DIAPH2: variants seen among roughly 807,000 people sequenced by gnomAD.
DIAPH2 encodes protein diaphanous homolog 2.
DIAPH2 carries 35 observed loss-of-function variants against 92.7 expected under a neutral mutation model. The observed-to-expected ratio is 0.38, with a 90% confidence interval of 0.29 to 0.50. The LOEUF (loss-of-function observed/expected upper bound fraction) is 0.50. Among genes scored for constraint, DIAPH2 ranks in the 20% least tolerant of loss-of-function variants. The probability of loss-of-function intolerance (pLI) is 0.94; values close to 1 mark genes in which losing one functional copy is unlikely to be tolerated. For missense variants in DIAPH2, 701 were observed against 819.5 expected, an observed-to-expected ratio of 0.86 and a Z score of 1.77; for synonymous variants, 301 against 280.4, an observed-to-expected ratio of 1.07 and a Z score of -0.73.
chrX:97,369,248 G>A (rs2069418384), intron 24 of DIAPH2, among the ~76,000 whole-genome samples: 1 of 111,033 alleles, frequency 9.0e-6, no homozygotes, highest in African/African-American at 3.3e-5. Context: ...AGCCAACACC[G>A]AAGCAAATGT....
chrX:97,248,300 G>T (rs2068158914), intron 23 of DIAPH2, among the ~76,000 whole-genome samples: 1 of 111,191 alleles, frequency 9.0e-6, no homozygotes, highest in Non-Finnish European at 1.9e-5. Context: ...GGACTGTGAA[G>T]GATAAATGGA....
At chrX:96,851,156 C>T (rs1007336979) in intron 4 of DIAPH2, among the ~76,000 whole-genome samples, 1 of 111,950 alleles carries the variant, frequency 8.9e-6, no homozygotes, top group Non-Finnish European at 1.9e-5. Flanking sequence ...GGCTGGAGTA[C>T]AGTGGTACCA....
At chrX:96,883,314 G>A (rs908409005) in intron 5 of DIAPH2, among the ~76,000 whole-genome samples, 1 of 111,147 alleles carries the variant, frequency 9.0e-6, no homozygotes, top group Non-Finnish European at 1.9e-5. Context: ...CTTAGAGTAT[G>A]ATAATCGTTG....
At chrX:96,942,759 C>T (rs1224087695) in intron 13 of DIAPH2, among the ~76,000 whole-genome samples, 1 of 111,333 alleles carries the variant, frequency 9.0e-6, no homozygotes, top group Non-Finnish European at 1.9e-5. Flanking sequence ...ATGATCTGAA[C>T]CTTCCCTTGT....
intron 20 of DIAPH2, among the ~76,000 whole-genome samples, chrX:97,103,755 G>A (rs1325670122): frequency 1.8e-5 from 2 of 111,809 alleles, no homozygotes; most frequent in Non-Finnish European, 3.8e-5. Flanking sequence ...CTGTTCTATA[G>A]CACTAAAGCT....
intron 26 of DIAPH2, among the ~76,000 whole-genome samples, chrX:97,559,455 G>A (rs892349142): frequency 5.8e-5 from 6 of 103,830 alleles, no homozygotes; most frequent in Non-Finnish European, 7.8e-5. Context: ...ATGCCACTGC[G>A]CTCCAGCCTG....
chrX:96,868,336 A>G (rs2147732098), intron 4 of DIAPH2, among the ~76,000 whole-genome samples: 1 of 111,974 alleles, frequency 8.9e-6, no homozygotes, highest in African/African-American at 3.2e-5. Context: ...GCCTAGCTTT[A>G]TCATATTAAG....
chrX:97,469,537 T>A (rs2147808612), intron 26 of DIAPH2, among the ~76,000 whole-genome samples: 1 of 112,232 alleles, frequency 8.9e-6, no homozygotes, highest in South Asian at 3.7e-4. Flanking sequence ...TGGCCTAATT[T>A]GTTGAACTTC....
chrX:96,788,435 A>C (rs2064475120), intron 4 of DIAPH2, among the ~76,000 whole-genome samples: 1 of 111,990 alleles, frequency 8.9e-6, no homozygotes, highest in Admixed American at 9.5e-5. Flanking sequence ...CTTAGTTGTT[A>C]GCCAGTAAAA....
chrX:97,099,332 C>A (rs1286734696), intron 19 of DIAPH2, among the ~76,000 whole-genome samples: 2 of 109,595 alleles, frequency 1.8e-5, no homozygotes, highest in Non-Finnish European at 3.8e-5. Context: ...CGCCACTGCA[C>A]TCCAGCCAGG....
At chrX:96,761,605 A>G (rs1439259913) in intron 4 of DIAPH2, among the ~76,000 whole-genome samples, 2 of 111,519 alleles carry the variant, frequency 1.8e-5, no homozygotes, top group African/African-American at 6.5e-5. Flanking sequence ...GTTGGGTACT[A>G]AATCTTATCT....
intron 23 of DIAPH2, among the ~76,000 whole-genome samples, chrX:97,294,177 C>T (rs1177545410): frequency 1.8e-5 from 2 of 111,824 alleles, no homozygotes; most frequent in Admixed American, 9.6e-5. Context: ...TGGACTTCGC[C>T]TCTTAAGTAA....
At chrX:96,761,994 C>T (rs1308916380) in intron 4 of DIAPH2, among the ~76,000 whole-genome samples, 2 of 111,517 alleles carry the variant, frequency 1.8e-5, no homozygotes. Flanking sequence ...CTGTCATTAT[C>T]TTTTTGTATT....
intron 7 of DIAPH2, among the ~76,000 whole-genome samples, chrX:96,914,002 A>G (rs1439101968): frequency 2.7e-5 from 3 of 110,922 alleles, no homozygotes; most frequent in Non-Finnish European, 5.7e-5. Context: ...GATAATAGAA[A>G]TAATTACAAC....
chrX:96,867,969 A>G (rs2065116171), intron 4 of DIAPH2, among the ~76,000 whole-genome samples: 1 of 111,987 alleles, frequency 8.9e-6, no homozygotes, highest in African/African-American at 3.2e-5. Context: ...TACAAAACCC[A>G]TAAAATTTAA....
chrX:96,714,433 T>C (rs924334053), intron 1 of DIAPH2, among the ~76,000 whole-genome samples: 11 of 109,478 alleles, frequency 1.0e-4, no homozygotes, highest in Admixed American at 5.9e-4. Flanking sequence ...CCCGGCTAAT[T>C]TTGTATTTTT....
At chrX:96,833,342 T>G (rs2147691750) in intron 4 of DIAPH2, among the ~76,000 whole-genome samples, 1 of 111,686 alleles carries the variant, frequency 9.0e-6, no homozygotes, top group Admixed American at 9.5e-5. Context: ...ATATTTTAAA[T>G]ATTGATATTA....
intron 4 of DIAPH2, among the ~76,000 whole-genome samples, chrX:96,840,759 C>G (rs6620188): frequency 0.1 from 11,069 of 108,322 alleles, 535 homozygotes; most frequent in East Asian, 0.32. Flanking sequence ...CAGACGCCCA[C>G]CACCATGCCC....
intron 24 of DIAPH2, among the ~76,000 whole-genome samples, chrX:97,358,238 T>C (rs1463841184): frequency 8.9e-6 from 1 of 111,917 alleles, no homozygotes; most frequent in Non-Finnish European, 1.9e-5. Flanking sequence ...CTGACTTGCC[T>C]GGTGTTAATT....
Sources: allele counts gnomAD v4.1 joint callset (sites outside exome capture counted in the v4.1 genomes callset), GRCh38; gene constraint gnomAD v4.1.1; transcripts MANE v1.5; gene names NCBI Gene and HGNC (gene_info 2026-07-23, HGNC 2026-07-21).